The following GOLIM4 variants were observed in gnomAD, a reference collection of about 807,000 sequenced individuals.
GOLIM4 encodes the protein 130 kDa golgi-localized phosphoprotein.
A neutral mutation model predicts 107.4 loss-of-function variants in GOLIM4; 71 were observed. The ratio of observed to expected loss-of-function variants is 0.66; its 90% confidence interval spans 0.55 to 0.81. GOLIM4 has a LOEUF of 0.81. Among genes scored for constraint, GOLIM4 ranks in the 30% least tolerant of loss-of-function variants. GOLIM4 has a pLI of 0.00. For synonymous variants in GOLIM4, 327 were observed against 294.8 expected (o/e 1.11, Z -1.12); for missense variants, 830 against 826.1 (o/e 1.00, Z -0.06).
chr3:168,069,376 G>A (rs1415300349), intron 1 of GOLIM4, among the ~76,000 whole-genome samples: 1 of 152,156 alleles, frequency 6.6e-6, no homozygotes, highest in African/African-American at 2.4e-5. Flanking sequence ...TACTGGAAGA[G>A]AACTGATGTT....
At chr3:168,011,222 C>T (rs2108203040) in intron 14 of GOLIM4, among the ~76,000 whole-genome samples, 1 of 150,572 alleles carries the variant, frequency 6.6e-6, no homozygotes, top group Middle Eastern at 3.4e-3. Context: ...GAGGCATTGT[C>T]TCACTTGGGA....
At position 168,030,510 on chromosome 3, in the gene GOLIM4, C is replaced by CAAAAAAAAAA. The variant is rs11411251; in HGVS notation, c.1177-484_1177-475dup. 4.9e-5 allele frequency among the ~76,000 whole-genome samples: 5 copies of CAAAAAAAAAA among 102,428 alleles called. 1 individual carries two copies. Among genetic ancestry groups the CAAAAAAAAAA allele is most frequent in the African/African-American group, 1.1e-4 (3 of 28,074 alleles). 67.2% of individuals were successfully genotyped at this position (102,428 alleles called of 152,430 possible). On this transcript the variant is annotated intron_variant, in intron 9 of 15. Coordinates refer to ENST00000470487, the MANE Select transcript of GOLIM4 (RefSeq NM_014498.5). ...ATACCAATCCCAGGCTAAGCATAGC[C>CAAAAAAAAAA]AAAAAAAAAAAAAAAAAAAGCCACA...
intron 1 of GOLIM4, among the ~76,000 whole-genome samples, chr3:168,051,845 G>A (rs2108257821): frequency 6.6e-6 from 1 of 152,276 alleles, no homozygotes; most frequent in African/African-American, 2.4e-5. Flanking sequence ...GAGACATGGA[G>A]AAGGGTTGTT....
intron 14 of GOLIM4, among the ~76,000 whole-genome samples, chr3:168,021,403 C>T (rs549707405): frequency 1.3e-5 from 2 of 152,278 alleles, no homozygotes; most frequent in South Asian, 2.1e-4. Context: ...TGGTGGCTCA[C>T]ACCTGTAATC....
rs969515203 is a variant in GOLIM4 at position 168,086,978 on chromosome 3, G to A, written c.187+8121C>T. On this transcript the variant is annotated intron_variant, in intron 1 of 15. Transcript: ENST00000470487. ...GCTCTCAGCTTAGCTTAAGCTACCTGGTAAGTGACTTATCCACCTTAGAAT... is the reference window on the plus strand; with the variant it reads ...GCTCTCAGCTTAGCTTAAGCTACCTAGTAAGTGACTTATCCACCTTAGAAT... Among the ~76,000 whole-genome samples the A allele has an allele frequency of 5.3e-5, 8 of 152,076 alleles. No individual in the cohort carries two copies. In the South Asian group the frequency reaches 8.3e-4, roughly 16 times the overall value.
At chr3:168,036,518 G>C (rs112734960) in intron 8 of GOLIM4, among the ~76,000 whole-genome samples, 5 of 152,164 alleles carry the variant, frequency 3.3e-5, no homozygotes, top group African/African-American at 1.2e-4. Context: ...CTCCAGCCTG[G>C]ACGACGTAGC....
At chr3:168,069,543 A>G (rs1720733211) in intron 1 of GOLIM4, among the ~76,000 whole-genome samples, 1 of 152,228 alleles carries the variant, frequency 6.6e-6, no homozygotes, top group South Asian at 2.1e-4. Context: ...ACTCAAATTC[A>G]GTGGAATGAT....
intron 1 of GOLIM4, among the ~76,000 whole-genome samples, chr3:168,092,649 A>T (rs1251029002): frequency 6.6e-6 from 1 of 152,190 alleles, no homozygotes; most frequent in Non-Finnish European, 1.5e-5. Context: ...CACCTAACTA[A>T]ACAAGTATTA....
chr3:168,089,869 G>A (rs1721819945), intron 1 of GOLIM4, among the ~76,000 whole-genome samples: 1 of 151,064 alleles, frequency 6.6e-6, no homozygotes, highest in African/African-American at 2.4e-5. Context: ...CCAGGTTCAA[G>A]CAATTCTCAT....
At chr3:168,016,787 CA>C (rs1717390290) in intron 14 of GOLIM4, among the ~76,000 whole-genome samples, 1 of 139,106 alleles carries the variant, frequency 7.2e-6, no homozygotes, top group Non-Finnish European at 1.5e-5. Flanking sequence ...TAAACTATCG[CA>C]AGAACAAAAA....
intron 1 of GOLIM4, among the ~76,000 whole-genome samples, chr3:168,061,135 T>A (rs1287326673): frequency 6.8e-6 from 1 of 146,172 alleles, no homozygotes; most frequent in East Asian, 1.9e-4. Context: ...TATACAAGAT[T>A]TTAGAGAAGC....
chr3:168,057,225 C>A (rs755580317), intron 1 of GOLIM4, among the ~76,000 whole-genome samples: 4 of 152,176 alleles, frequency 2.6e-5, no homozygotes, highest in Non-Finnish European at 5.9e-5. Flanking sequence ...TGAGGACTTC[C>A]CAGACTTGTG....
intron 1 of GOLIM4, among the ~76,000 whole-genome samples, chr3:168,052,908 T>C (rs1335502920): frequency 6.6e-6 from 1 of 152,180 alleles, no homozygotes; most frequent in Non-Finnish European, 1.5e-5. Flanking sequence ...ATGAAAATAA[T>C]GGTTCAATCT....
Position 168,029,819 on chromosome 3 carries a change from T to G in GOLIM4, c.1394A>C (p.Glu465Ala). ...GTGCTGCGGCCGGCCCTCCTCAAGC[T>G]CAGCCTGCCTCTGCAGGGCCATCTC... ...AREMALQRQA[E>A]LEEGRPQHQE... Residue 465 changes from glutamate (E) to alanine (A), a missense_variant, in exon 10 of 16, where the codon GAG (glutamate) becomes GCG (alanine). By Grantham distance (107) the Glu-to-Ala change is moderately radical (BLOSUM62 -1). Transcript: ENST00000470487. 1.2e-6 allele frequency: 2 copies of G among 1,614,030 alleles called. No homozygotes were observed. The highest frequency in any genetic ancestry group is 1.7e-6 in the Non-Finnish European group (2 of 1,180,020).
At chr3:168,036,082 T>C (rs1037327219) in intron 8 of GOLIM4, among the ~76,000 whole-genome samples, 1 of 152,248 alleles carries the variant, frequency 6.6e-6, no homozygotes, top group African/African-American at 2.4e-5. Flanking sequence ...TTATTAACTT[T>C]AATATTTGAG....
rs528638496 is a variant in GOLIM4 at position 168,060,755 on chromosome 3, T to C, written c.188-12390A>G. On this transcript the variant is annotated intron_variant, in intron 1 of 15. Transcript: ENST00000470487. ...CCAACTCAAATCTACTGAATCCGAA[T>C]TTACTGGCAATCTGAAAGTTTAGTA... is the stretch of plus-strand genomic sequence containing the variant. Among the ~76,000 whole-genome samples, 24 of 152,310 alleles carry C rather than the reference T, an allele frequency of 1.6e-4. No individual in the cohort carries two copies. The East Asian group carries it at 4.6e-3, about 29-fold the overall frequency.
At chr3:168,083,440 G>T (rs1391455827) in intron 1 of GOLIM4, among the ~76,000 whole-genome samples, 1 of 152,110 alleles carries the variant, frequency 6.6e-6, no homozygotes, top group Non-Finnish European at 1.5e-5. Flanking sequence ...TTCCACTTGG[G>T]TATTTTACTT....
At chr3:168,086,162 A>AT (rs1474567133) in intron 1 of GOLIM4, among the ~76,000 whole-genome samples, 5 of 152,108 alleles carry the variant, frequency 3.3e-5, no homozygotes, top group African/African-American at 1.2e-4. Context: ...AATTTAAAAC[A>AT]TTTTCTGTCT....
rs550411970 is a variant in GOLIM4 at position 168,071,411 on chromosome 3, C to T, written c.188-23046G>A. Among the ~76,000 whole-genome samples the T allele has an allele frequency of 2.0e-5, 3 of 152,184 alleles. No individual in the cohort carries two copies. In the South Asian group the frequency reaches 6.2e-4, roughly 32 times the overall value. On this transcript the variant is annotated intron_variant, in intron 1 of 15. Transcript: ENST00000470487. ...AGACAAGGACAGAATCTTAGCACTG[C>T]TCTCTAGGCAGGAATGATGAATGAA...
Sources: allele counts gnomAD v4.1 joint callset (sites outside exome capture counted in the v4.1 genomes callset), GRCh38; gene constraint gnomAD v4.1.1; transcripts MANE v1.5; gene names NCBI Gene and HGNC (gene_info 2026-07-23, HGNC 2026-07-21).